The following SPATS2L variants were observed in gnomAD, a reference collection of about 807,000 sequenced individuals.
The protein encoded by SPATS2L is SPATS2-like protein.
Under a neutral mutation model 59.6 loss-of-function variants are expected in SPATS2L, and 30 were observed. The ratio of observed to expected loss-of-function variants is 0.50; its 90% CI spans 0.38 to 0.68. The LOEUF (loss-of-function observed/expected upper bound fraction) is 0.68, where lower values mean the gene tolerates loss of function less well. Among genes scored for constraint, SPATS2L ranks in the 30% least tolerant of loss-of-function variants. The pLI is 0.00. For missense variants in SPATS2L, 615 were observed against 700.0 expected (o/e 0.88, Z 1.37); for synonymous variants, 252 against 263.5 (o/e 0.96, Z 0.42).
At chr2:200,453,678 T>C (rs1223671542) in intron 8 of SPATS2L, among the ~76,000 whole-genome samples, 1 of 152,228 alleles carries the variant, frequency 6.6e-6, no homozygotes, top group Non-Finnish European at 1.5e-5. Flanking sequence ...TACTAGGCTA[T>C]CAGCCCAGCT....
chr2:200,359,807 T>C (rs1054934175), intron 2 of SPATS2L, among the ~76,000 whole-genome samples: 1 of 152,206 alleles, frequency 6.6e-6, no homozygotes, highest in Non-Finnish European at 1.5e-5. Flanking sequence ...TCTTACAGCA[T>C]GTGGCAAGGA....
chr2:200,399,768 T>G (rs949250197), intron 3 of SPATS2L, among the ~76,000 whole-genome samples: 14 of 152,218 alleles, frequency 9.2e-5, no homozygotes, highest in African/African-American at 3.4e-4. Flanking sequence ...CCATGGTGTT[T>G]AAATCATCGG....
intron 2 of SPATS2L, among the ~76,000 whole-genome samples, chr2:200,339,341 T>C (rs1027502235): frequency 6.6e-6 from 1 of 152,224 alleles, no homozygotes; most frequent in African/African-American, 2.4e-5. Context: ...TTTATGCTTT[T>C]AAGACCTGTT....
chr2:200,454,749 C>G lies in SPATS2L; in HGVS notation c.789-5020C>G, dbSNP rs181069099. ...AGGGCACATCTGAAACATGTGAGGTCCGCGTGGATTTTACGGGAACTCTGT... is the reference window on the plus strand; with the variant it reads ...AGGGCACATCTGAAACATGTGAGGTGCGCGTGGATTTTACGGGAACTCTGT... On this transcript the variant is annotated intron_variant, in intron 8 of 12. Coordinates refer to ENST00000409140, the MANE Select transcript of SPATS2L (RefSeq NM_001100423.2). Among the ~76,000 whole-genome samples, 65 of 152,252 alleles carry G rather than the reference C, an allele frequency of 4.3e-4. 1 individual carries two copies. Among genetic ancestry groups the G allele is most frequent in the Admixed American group, 4.1e-3 (62 of 15,290 alleles).
chr2:200,396,033 A>AATATATAT (rs1553520465), intron 3 of SPATS2L, among the ~76,000 whole-genome samples: 23 of 21,134 alleles, frequency 1.1e-3, no homozygotes, highest in Non-Finnish European at 2.0e-3. Context: ...AAAAAAAAAA[A>AATATATAT]ATATATATAT....
intron 2 of SPATS2L, among the ~76,000 whole-genome samples, chr2:200,387,554 C>A (rs1417277647): frequency 6.6e-6 from 1 of 152,128 alleles, no homozygotes; most frequent in African/African-American, 2.4e-5. Flanking sequence ...AAGCTTTCAT[C>A]CTAAAATCAG....
intron 2 of SPATS2L, among the ~76,000 whole-genome samples, chr2:200,371,240 T>A (rs1234167030): frequency 2.0e-5 from 3 of 152,088 alleles, no homozygotes; most frequent in Non-Finnish European, 4.4e-5. Context: ...ATCCACAAAT[T>A]AATTTAGGAA....
At chr2:200,372,718 G>A (rs574201675) in intron 2 of SPATS2L, among the ~76,000 whole-genome samples, 4 of 152,234 alleles carry the variant, frequency 2.6e-5, no homozygotes, top group South Asian at 2.1e-4. Context: ...GACCAGCTTC[G>A]GAGTTAGTTT....
chr2:200,357,259 T>A (rs1213505169), intron 2 of SPATS2L, among the ~76,000 whole-genome samples: 1 of 152,212 alleles, frequency 6.6e-6, no homozygotes, highest in East Asian at 1.9e-4. Context: ...GATCGGTTAC[T>A]ACATTCCTGA....
intron 2 of SPATS2L, chr2:200,383,967 A>G: frequency 1.0e-6 from 1 of 1,002,350 alleles, no homozygotes; most frequent in African/African-American, 1.7e-5. Context: ...TGCCTACACA[A>G]TCAAACAGGA....
rs2087703911 is a variant in SPATS2L at position 200,478,659 on chromosome 2, G to C, written c.*628G>C. 1 of 152,308 alleles carries C rather than the reference G, an allele frequency of 6.6e-6. No individual in the cohort carries two copies. Among genetic ancestry groups the C allele is most frequent in the Admixed American group, 6.6e-5 (1 of 15,228 alleles). 9.4% of individuals were successfully genotyped at this position (152,308 alleles called of 1,614,324 possible). On this transcript the variant is annotated 3_prime_UTR_variant, in exon 13 of 13. Transcript: ENST00000409140. ...GTACAATAAATACTGTTTCTGTTGA[G>C]ACAAGTACTCTTTCAGGAAAATATA...
intron 2 of SPATS2L, among the ~76,000 whole-genome samples, chr2:200,342,845 T>G (rs1325031088): frequency 1.3e-5 from 2 of 152,152 alleles, no homozygotes; most frequent in East Asian, 3.8e-4. Flanking sequence ...TATCCTTATG[T>G]TAGGAAAGAA....
intron 5 of SPATS2L, among the ~76,000 whole-genome samples, chr2:200,418,849 C>A (rs1313905497): frequency 2.6e-5 from 4 of 152,138 alleles, no homozygotes; most frequent in African/African-American, 9.7e-5. Context: ...GGCCTCCTTG[C>A]CTCCCCAGCA....
chr2:200,454,132 T>C (rs2085666586), intron 8 of SPATS2L, among the ~76,000 whole-genome samples: 1 of 152,192 alleles, frequency 6.6e-6, no homozygotes, highest in African/African-American at 2.4e-5. Context: ...CACTCTAGTC[T>C]CCCTGAGGCA....
chr2:200,354,656 C>A (rs889995439), intron 2 of SPATS2L, among the ~76,000 whole-genome samples: 1 of 151,970 alleles, frequency 6.6e-6, no homozygotes, highest in African/African-American at 2.4e-5. Flanking sequence ...TTACCCACTT[C>A]ATTCTCGTGC....
At chr2:200,457,219 TACATAC>T (rs1487847070) in intron 8 of SPATS2L, among the ~76,000 whole-genome samples, 3 of 62,384 alleles carry the variant, frequency 4.8e-5, no homozygotes, top group Non-Finnish European at 6.3e-5. Context: ...AATGAAAACA[TACATAC>T]ACACACACAC....
intron 1 of SPATS2L, among the ~76,000 whole-genome samples, chr2:200,324,493 C>A (rs2079667495): frequency 6.6e-6 from 1 of 152,142 alleles, no homozygotes; most frequent in South Asian, 2.1e-4. Context: ...AATTTCCCTT[C>A]TTTGCTTTGG....
chr2:200,444,982 A>G (rs1334036492), intron 8 of SPATS2L, among the ~76,000 whole-genome samples: 1 of 152,072 alleles, frequency 6.6e-6, no homozygotes, highest in African/African-American at 2.4e-5. Context: ...ACATATTTGC[A>G]TACTAACAAA....
At chr2:200,385,567 T>C (rs1423411826) in intron 2 of SPATS2L, among the ~76,000 whole-genome samples, 1 of 152,086 alleles carries the variant, frequency 6.6e-6, no homozygotes, top group African/African-American at 2.4e-5. Context: ...CTAGTGCTGA[T>C]TGGAGGGTGC....
Sources: allele counts gnomAD v4.1 joint callset (sites outside exome capture counted in the v4.1 genomes callset), GRCh38; gene constraint gnomAD v4.1.1; transcripts MANE v1.5; gene names NCBI Gene and HGNC (gene_info 2026-07-23, HGNC 2026-07-21).